MBD6: variants seen among roughly 807,000 people sequenced by gnomAD.
The protein encoded by MBD6 is methyl-CpG binding domain protein 6, also known as methyl-CpG-binding domain protein 6.
Under a neutral mutation model 66.8 loss-of-function variants are expected in MBD6, and 22 were observed. The observed-to-expected ratio is 0.33, with a 90% confidence interval of 0.24 to 0.47. MBD6 has a LOEUF of 0.47. MBD6 is among the 20% of genes least tolerant of loss of function. The pLI, the probability that MBD6 is intolerant of heterozygous loss-of-function variation, is 1.00. For synonymous variants in MBD6, 540 were observed against 534.6 expected, an observed-to-expected ratio of 1.01 and a Z score of -0.14; for missense variants, 1,322 against 1,286.9, an observed-to-expected ratio of 1.03 and a Z score of -0.42.
rs746267361 is a variant in MBD6 at position 57,527,948 on chromosome 12, TG to T, written c.2345del (p.Gly782GlufsTer13). The T allele has an allele frequency of 2.3e-5, 36 of 1,592,118 alleles. No homozygotes were observed. The highest frequency in any genetic ancestry group is 7.2e-5 in the Admixed American group (4 of 55,914). ...GCCAGTTGGGGCTGCAGCTCCTCCC[TG>T]GGGGGGGAGCTCCTCCACCCCTCTC... ...SGQLGLQLLP[G>X]GGAPPPLSEA... On this transcript the variant is annotated frameshift_variant, in exon 9 of 13. Coordinates refer to ENST00000355673, the MANE Select transcript of MBD6 (RefSeq NM_052897.4). LOFTEE classifies it high-confidence loss of function.
chr12:57,529,146 C>T lies in MBD6; in HGVS notation c.2938-14C>T, dbSNP rs117160323. ...GCAATTGACCACTTCTATCAACTTC[C>T]CCTCTGATATTAGGCAGCTGTCCCT... On this transcript the variant is annotated splice_polypyrimidine_tract_variant and intron_variant, in intron 12 of 12. Transcript: ENST00000355673. 2.2e-3 allele frequency: 3,474 copies of T among 1,614,058 alleles called. 137 individuals are homozygous for T. In the East Asian group the frequency reaches 0.061, roughly 28 times the overall value.
upstream of MBD6, chr12:57,520,972 C>T (rs1878291770): frequency 6.5e-6 from 1 of 153,220 alleles, no homozygotes. Flanking sequence ...CCTAGTCGGT[C>T]GTGAGCCTCT....
rs1878689069 is a variant in MBD6 at position 57,524,412 on chromosome 12, A to G, written c.109A>G (p.Ile37Val). The change falls in exon 3 of 13, where the codon ATC becomes GTC. Residue 37 changes from isoleucine to valine, a missense_variant. By Grantham distance (29) the Ile-to-Val change is conservative. Coordinates refer to ENST00000355673, the MANE Select transcript of MBD6 (RefSeq NM_052897.4). The part of the protein sequence containing the change: ...RCVREGAVLY[I>V]SPSGTELSSL... ...TGTGCGAGAGGGTGCTGTGCTCTACATCAGGTACGGATCTTCACAGGTCCC... is the reference window on the plus strand; with the variant it reads ...TGTGCGAGAGGGTGCTGTGCTCTACGTCAGGTACGGATCTTCACAGGTCCC... The G allele has an allele frequency of 6.3e-7, 1 of 1,580,840 alleles. No individual in the cohort carries two copies. Among genetic ancestry groups the G allele is most frequent in the South Asian group, 1.2e-5 (1 of 86,114 alleles).
intron 9 of MBD6, 46 bp from the exon 10 acceptor site, chr12:57,528,101 G>A: frequency 6.5e-7 from 1 of 1,547,686 alleles, no homozygotes; most frequent in Non-Finnish European, 8.7e-7. Context: ...TAGTAGAAGA[G>A]GGACGGTATT....
In MBD6 at chr12:57,528,365, C is replaced by T. The variant is rs1446630579; in HGVS notation, c.2625C>T (p.Ala875=). The stretch of plus-strand genomic sequence containing the variant: ...GCATTAATGGTGAGGCCAGGCCAGC[C>T]CGGGGCCGAAAGCCTGGCAGCCGGC... ...LRGINGEARP[A]RGRKPGSRRE... The change falls in exon 10 of 13, where the codon GCC becomes GCT. Residue 875 remains alanine, a synonymous_variant. Coordinates refer to ENST00000355673, the MANE Select transcript of MBD6 (RefSeq NM_052897.4). 1.2e-6 allele frequency: 2 copies of T among 1,612,448 alleles called. No individual in the cohort carries two copies. The highest frequency in any genetic ancestry group is 4.5e-5 in the East Asian group (2 of 44,870).
At position 57,529,525 on chromosome 12, in the gene MBD6, T is replaced by G; in HGVS notation, c.*291T>G. The G allele has an allele frequency of 3.1e-6, 1 of 322,046 alleles. No individual in the cohort carries two copies. Among genetic ancestry groups the G allele is most frequent in the Non-Finnish European group, 5.7e-6 (1 of 176,184 alleles). 19.9% of individuals were successfully genotyped at this position (322,046 alleles called of 1,614,324 possible). On this transcript the variant is annotated 3_prime_UTR_variant, in exon 13 of 13. Coordinates refer to ENST00000355673, the MANE Select transcript of MBD6 (RefSeq NM_052897.4). ...CCAGGCGCTAAGGGGAACACCCCCT[T>G]CCCCAGGTCTTTTATTTGTTTAAGT...
intron 8 of MBD6, 24 bp from the exon 9 acceptor site, chr12:57,527,824 C>T (rs756804746): frequency 3.7e-6 from 6 of 1,610,786 alleles, no homozygotes; most frequent in South Asian, 1.1e-5. Context: ...TAGGGAGAGA[C>T]CCCTGACTAT....
intron 6 of MBD6, 21 bp from the exon 7 acceptor site, chr12:57,526,545 A>C: frequency 6.6e-7 from 1 of 1,510,518 alleles, no homozygotes; most frequent in Non-Finnish European, 8.8e-7. Flanking sequence ...CCTTGAGCTG[A>C]ATTTCTCTCC....
upstream of MBD6, chr12:57,520,900 G>A (rs918020174): frequency 6.4e-6 from 1 of 155,964 alleles, no homozygotes; most frequent in Non-Finnish European, 1.4e-5. Flanking sequence ...GGGGAGAGGA[G>A]AGAGGGCGGG....
rs897460916 is a variant in MBD6 at position 57,529,528 on chromosome 12, C to G, written c.*294C>G. The G allele has an allele frequency of 9.0e-6, 3 of 333,270 alleles. No homozygotes were observed. Among genetic ancestry groups the G allele is most frequent in the African/African-American group, 4.2e-5 (2 of 48,110 alleles). 20.6% of individuals were successfully genotyped at this position (333,270 alleles called of 1,614,324 possible). On this transcript the variant is annotated 3_prime_UTR_variant, in exon 13 of 13. Coordinates refer to ENST00000355673, the MANE Select transcript of MBD6 (RefSeq NM_052897.4). ...GGCGCTAAGGGGAACACCCCCTTCC[C>G]CAGGTCTTTTATTTGTTTAAGTTAT... is the stretch of plus-strand genomic sequence containing the variant.
rs200717548 is a variant in MBD6 at position 57,529,179 on chromosome 12, C to G, written c.2957C>G (p.Pro986Arg). The change falls in exon 13 of 13, where the codon CCC becomes CGC. Residue 986 changes from proline (P) to arginine (R), a missense_variant. Physicochemically the swap from Pro to Arg is moderately radical, Grantham distance 103. Transcript: ENST00000355673. ...TATTAGGCAGCTGTCCCTCTGCCTC[C>G]CCGGGCCCGCCCTGGCCGTCCTGCC... ...PTARAAVPLPPRARPGRPAKN... is the reference protein window; with the variant it reads ...PTARAAVPLPRRARPGRPAKN... The G allele has an allele frequency of 6.2e-7, 1 of 1,614,060 alleles. No individual in the cohort carries two copies. The highest frequency in any genetic ancestry group is 1.1e-5 in the South Asian group (1 of 91,088).
rs367609424 is a variant in MBD6, at chr12:57,525,970, A to G, written c.1002A>G (p.Pro334=). 6.4e-7 allele frequency: 1 copy of G among 1,551,488 alleles called. No individual in the cohort carries two copies. Among genetic ancestry groups the G allele is most frequent in the Non-Finnish European group, 8.7e-7 (1 of 1,153,548 alleles). The change falls in exon 6 of 13, where the codon CCA becomes CCG. Residue 334 remains proline (P), a synonymous_variant. Transcript: ENST00000355673. The stretch of plus-strand genomic sequence containing the variant: ...CAGCGGCCAAGGCACAGCATCCCCC[A>G]CTACCCCCTCCCAGCACTTTACAGG... The part of the protein sequence containing the change: ...LSAAAKAQHP[P]LPPPSTLQGR...
Position 57,525,473 on chromosome 12 carries a change from C to T in MBD6, c.505C>T (p.Pro169Ser). Residue 169 changes from proline to serine, a missense_variant, in exon 6 of 13, where the codon CCC (proline) becomes TCC (serine). Physicochemically the swap from Pro to Ser is moderately conservative, Grantham distance 74. Transcript: ENST00000355673. ...GGPGSLPPEP[P>S]SVSQAFPTLA... The stretch of plus-strand genomic sequence containing the variant: ...TCCTGGCTCCCTTCCCCCAGAACCA[C>T]CCTCAGTTTCCCAGGCCTTTCCCAC... The T allele has an allele frequency of 6.5e-7, 1 of 1,538,636 alleles. No individual in the cohort carries two copies. Among genetic ancestry groups the T allele is most frequent in the Non-Finnish European group, 8.7e-7 (1 of 1,146,112 alleles).
At position 57,525,949 on chromosome 12, in the gene MBD6, G is replaced by T. The variant is rs773767141; in HGVS notation, c.981G>T (p.Ala327=). 9.3e-6 allele frequency: 15 copies of T among 1,612,574 alleles called. No individual in the cohort carries two copies. Among genetic ancestry groups the T allele is most frequent in the Non-Finnish European group, 1.3e-5 (15 of 1,179,696 alleles). Residue 327 remains alanine, a synonymous_variant, in exon 6 of 13, where the codon GCG becomes GCT. Transcript: ENST00000355673. ...PFLASSLLSA[A]AKAQHPPLPP... is the part of the protein sequence containing the mutation. ...TTGCTAGCAGCCTACTCTCTGCAGC[G>T]GCCAAGGCACAGCATCCCCCACTAC...
At position 57,528,133 on chromosome 12, in the gene MBD6, T is replaced by G; in HGVS notation, c.2407-14T>G. 6.4e-7 allele frequency: 1 copy of G among 1,572,556 alleles called. No individual in the cohort carries two copies. The highest frequency in any genetic ancestry group is 2.2e-5 in the East Asian group (1 of 44,678). On this transcript the variant is annotated splice_polypyrimidine_tract_variant and intron_variant, in intron 9 of 12. Transcript: ENST00000355673. ...TATTTGAGATTGACTGAGAACTTAT[T>G]TTTTTGCCAGCAGATCCCTCCAGAG...
At chr12:57,529,082 T>G (rs889063997) in intron 12 of MBD6, 73 bp downstream of exon 12, 1 of 1,613,080 alleles carries the variant, frequency 6.2e-7, no homozygotes. Context: ...AAAGGAGGGT[T>G]AGAGGGAGTG....
At chr12:57,522,224 A>G (rs1411943395), upstream of MBD6, among the ~76,000 whole-genome samples, 1 of 152,146 alleles carries the variant, frequency 6.6e-6, no homozygotes, top group Non-Finnish European at 1.5e-5. Flanking sequence ...CTCTCTGAAA[A>G]TGGGGGTAGT....
rs1565663800 is a variant in MBD6 at position 57,525,592 on chromosome 12, T to C, written c.624T>C (p.Asn208=). The C allele has an allele frequency of 1.2e-6, 2 of 1,611,424 alleles. No homozygotes were observed. Among genetic ancestry groups the C allele is most frequent in the African/African-American group, 1.3e-5 (1 of 74,676 alleles). ...SSSPRFLPRG[N]APSPAPPPPP... is the part of the protein sequence containing the mutation. ...GCCCCCGTTTCCTCCCAAGGGGCAA[T>C]GCCCCCTCTCCAGCCCCACCTCCTC... The change falls in exon 6 of 13, where the codon AAT becomes AAC. Residue 208 remains asparagine (N), a synonymous_variant. Transcript: ENST00000355673.
At chr12:57,530,606 T>C (rs985060983), downstream of MBD6, 18 of 1,220,068 alleles carry the variant, frequency 1.5e-5, no homozygotes, top group African/African-American at 4.5e-5. Context: ...GCTAGAGTTA[T>C]AGTAAAGGGG....
Sources: gnomAD v4.1 joint callset for allele counts (sites outside exome capture counted in the v4.1 genomes callset) on GRCh38, gnomAD v4.1.1 for gene constraint, MANE v1.5 for transcripts, NCBI Gene and HGNC (gene_info 2026-07-23, HGNC 2026-07-21) for gene names.